The following LRRC1 variants were observed in gnomAD, a reference collection of about 807,000 sequenced individuals.
LRRC1 encodes the protein leucine rich repeat containing 1, also known as leucine-rich repeat-containing protein 1.
LRRC1 carries 28 observed loss-of-function variants against 69.9 expected under a neutral mutation model. The ratio of observed to expected loss-of-function variants is 0.40; its 90% confidence interval spans 0.30 to 0.55. The LOEUF (loss-of-function observed/expected upper bound fraction) is 0.55, where lower values mean the gene tolerates loss of function less well. Ranked by LOEUF, LRRC1 falls within the 20% of genes least tolerant of loss-of-function variation. The pLI is 0.47. For synonymous variants in LRRC1, 236 were observed against 240.2 expected (o/e 0.98, Z 0.16); for missense variants, 498 against 609.0 (o/e 0.82, Z 1.92).
chr6:53,819,442 T>A (rs1462179854), intron 1 of LRRC1, among the ~76,000 whole-genome samples: 2 of 152,282 alleles, frequency 1.3e-5, no homozygotes, highest in African/African-American at 2.4e-5. Context: ...AAATACTTAC[T>A]AAGTGAATAC....
At chr6:53,889,477 G>A (rs1767606002) in intron 4 of LRRC1, among the ~76,000 whole-genome samples, 1 of 152,198 alleles carries the variant, frequency 6.6e-6, no homozygotes, top group East Asian at 1.9e-4. Flanking sequence ...TGTGGCATAT[G>A]TATACAGTGA....
chr6:53,915,868 T>G (rs1768548297), intron 11 of LRRC1, among the ~76,000 whole-genome samples: 1 of 152,216 alleles, frequency 6.6e-6, no homozygotes, highest in African/African-American at 2.4e-5. Context: ...AACTAATCTT[T>G]TAAAAAGGGC....
intron 1 of LRRC1, among the ~76,000 whole-genome samples, chr6:53,837,429 G>A (rs1047136548): frequency 2.0e-5 from 3 of 152,236 alleles, no homozygotes; most frequent in Admixed American, 6.5e-5. Flanking sequence ...GACCGGAGTA[G>A]GGATGGTATG....
At chr6:53,809,559 A>G (rs1764731007) in intron 1 of LRRC1, among the ~76,000 whole-genome samples, 2 of 152,252 alleles carry the variant, frequency 1.3e-5, no homozygotes, top group Admixed American at 6.5e-5. Flanking sequence ...GAAATTTTGT[A>G]TAAAGGTGGT....
At position 53,919,665 on chromosome 6, in the gene LRRC1, G is replaced by C. The variant is rs768447766; in HGVS notation, c.1274G>C (p.Cys425Ser). The change falls in exon 12 of 14, where the codon TGT becomes TCT. Residue 425 changes from cysteine to serine, a missense_variant. Physicochemically the swap from Cys to Ser is moderately radical, Grantham distance 112. Coordinates refer to ENST00000370888, the MANE Select transcript of LRRC1 (RefSeq NM_018214.5). ...LLPQLPSEPTCQENLPRCGAL... is the reference protein window; with the variant it reads ...LLPQLPSEPTSQENLPRCGAL... ...CCTCAGCTGCCTTCTGAACCTACTT[G>C]TCAAGGTGAATTTAATTTAAGGACA... 8.1e-6 allele frequency: 13 copies of C among 1,611,594 alleles called. No individual in the cohort carries two copies. In the Admixed American group the frequency reaches 1.7e-4, roughly 21 times the overall value.
chr6:53,825,790 G>A (rs1426609798), intron 1 of LRRC1, among the ~76,000 whole-genome samples: 2 of 152,116 alleles, frequency 1.3e-5, no homozygotes, highest in Non-Finnish European at 2.9e-5. Flanking sequence ...CCACAGACTA[G>A]ATAATCTTTA....
intron 4 of LRRC1, among the ~76,000 whole-genome samples, chr6:53,885,304 T>C (rs937104268): frequency 1.3e-5 from 2 of 152,240 alleles, no homozygotes; most frequent in Admixed American, 6.5e-5. Context: ...CTTGGAAGCT[T>C]TCCTTGTGGC....
At chr6:53,873,578 C>T (rs910245972) in intron 2 of LRRC1, among the ~76,000 whole-genome samples, 8 of 151,370 alleles carry the variant, frequency 5.3e-5, no homozygotes, top group Non-Finnish European at 7.4e-5. Flanking sequence ...GGACCACAGG[C>T]GCGAGCCACC....
intron 2 of LRRC1, among the ~76,000 whole-genome samples, chr6:53,858,955 A>G (rs1230621093): frequency 6.6e-6 from 1 of 152,240 alleles, no homozygotes; most frequent in Non-Finnish European, 1.5e-5. Flanking sequence ...AAAATGTATT[A>G]TAAATATCAC....
intron 2 of LRRC1, among the ~76,000 whole-genome samples, chr6:53,864,614 C>T (rs1766636672): frequency 6.6e-6 from 1 of 152,134 alleles, no homozygotes; most frequent in Non-Finnish European, 1.5e-5. Flanking sequence ...TAATGGGACT[C>T]CTGCTATCTA....
At chr6:53,901,156 A>G (rs755931751) in intron 8 of LRRC1, among the ~76,000 whole-genome samples, 1 of 152,252 alleles carries the variant, frequency 6.6e-6, no homozygotes, top group Admixed American at 6.5e-5. Context: ...AGCAGCAAGC[A>G]TGAGGCTGAC....
intron 6 of LRRC1, among the ~76,000 whole-genome samples, 168 bp downstream of exon 6, chr6:53,897,060 G>A (rs1434020407): frequency 6.6e-6 from 1 of 152,144 alleles, no homozygotes; most frequent in African/African-American, 2.4e-5. Flanking sequence ...ATGATTCATG[G>A]GTGGGGGAGG....
intron 1 of LRRC1, among the ~76,000 whole-genome samples, chr6:53,820,925 A>G (rs968965580): frequency 5.9e-5 from 9 of 152,202 alleles, no homozygotes; most frequent in Non-Finnish European, 7.4e-5. Context: ...ACTATGGGCT[A>G]CTACTGTAGT....
intron 2 of LRRC1, among the ~76,000 whole-genome samples, chr6:53,878,183 A>G (rs548302063): frequency 5.9e-5 from 9 of 152,198 alleles, no homozygotes; most frequent in African/African-American, 2.2e-4. Flanking sequence ...CCATGATTCA[A>G]TTACCTCCTA....
At chr6:53,833,562 C>A (rs1354238953) in intron 1 of LRRC1, among the ~76,000 whole-genome samples, 1 of 152,188 alleles carries the variant, frequency 6.6e-6, no homozygotes, top group East Asian at 1.9e-4. Flanking sequence ...CACACACATG[C>A]TAACACTCAG....
At chr6:53,816,812 A>G (rs1401755071) in intron 1 of LRRC1, among the ~76,000 whole-genome samples, 1 of 152,200 alleles carries the variant, frequency 6.6e-6, no homozygotes, top group South Asian at 2.1e-4. Context: ...ACTTTCGTAT[A>G]TGCCGAACAA....
chr6:53,814,079 C>T (rs1212231088), intron 1 of LRRC1, among the ~76,000 whole-genome samples: 1 of 152,174 alleles, frequency 6.6e-6, no homozygotes, highest in East Asian at 1.9e-4. Flanking sequence ...ATTTTCTTCT[C>T]TACTCCCTTT....
At chr6:53,799,433 A>T (rs544298860) in intron 1 of LRRC1, among the ~76,000 whole-genome samples, 2 of 152,230 alleles carry the variant, frequency 1.3e-5, no homozygotes, top group Non-Finnish European at 2.9e-5. Flanking sequence ...ACATGGGTAG[A>T]TGGGCCCTGT....
intron 7 of LRRC1, among the ~76,000 whole-genome samples, 153 bp downstream of exon 7, chr6:53,897,512 A>G (rs926286422): frequency 6.6e-6 from 1 of 152,202 alleles, no homozygotes; most frequent in Non-Finnish European, 1.5e-5. Context: ...CATATTGAGC[A>G]TGCATCATTC....
Sources: allele counts gnomAD v4.1 joint callset (sites outside exome capture counted in the v4.1 genomes callset), GRCh38; gene constraint gnomAD v4.1.1; transcripts MANE v1.5; gene names NCBI Gene and HGNC (gene_info 2026-07-23, HGNC 2026-07-21).